Variants in USP35 observed in about 807,000 individuals in gnomAD.
The protein encoded by USP35 is ubiquitin carboxyl-terminal hydrolase 35.
USP35 carries 69 observed loss-of-function variants against 83.8 expected under a neutral mutation model. The observed-to-expected ratio is 0.82, with a 90% confidence interval of 0.68 to 1.01. The LOEUF is 1.01. Ranked by LOEUF, USP35 falls within the 50% of genes least tolerant of loss-of-function variation. The pLI is 0.00. For missense variants in USP35, 1,503 were observed against 1,362.5 expected (o/e 1.10, Z -1.62); for synonymous variants, 714 against 589.5 (o/e 1.21, Z -3.06).
chr11:78,219,401 G>A (rs61749244), downstream of USP35: 37,071 of 1,613,652 alleles, frequency 0.023, 573 homozygotes, highest in Non-Finnish European at 0.027. Context: ...CAGAGGTGAC[G>A]GATGAAGTAG....
At chr11:78,191,076 A>G (rs1215208494) in intron 1 of USP35, among the ~76,000 whole-genome samples, 3 of 152,222 alleles carry the variant, frequency 2.0e-5, no homozygotes, top group Admixed American at 6.5e-5. Flanking sequence ...ACGATGCTGC[A>G]TCTGGAGAGA....
intron 10 of USP35, among the ~76,000 whole-genome samples, chr11:78,211,608 A>G (rs943569591): frequency 6.6e-6 from 1 of 152,214 alleles, no homozygotes; most frequent in Non-Finnish European, 1.5e-5. Flanking sequence ...CAACCTCACC[A>G]GCATATGTTG....
At chr11:78,230,279 G>A in the USP35 span, among the ~76,000 whole-genome samples, 2 of 152,024 alleles carry the variant, frequency 1.3e-5, no homozygotes, top group East Asian at 1.9e-4. Flanking sequence ...CCTCTACCCC[G>A]GCATCCTCCT....
intron 10 of USP35, among the ~76,000 whole-genome samples, chr11:78,211,797 G>T (rs1565404864): frequency 6.6e-6 from 1 of 152,050 alleles, no homozygotes; most frequent in Non-Finnish European, 1.5e-5. Flanking sequence ...TAATGGGGTT[G>T]TTTTTTTCTT....
the USP35 span, among the ~76,000 whole-genome samples, chr11:78,234,703 G>T: frequency 2.7e-3 from 409 of 151,168 alleles, 3 homozygotes; most frequent in African/African-American, 8.8e-3. Context: ...ACAGGTTTTT[G>T]TCCTTTCACC....
rs768779536 is a variant in USP35 at position 78,195,310 on chromosome 11, C to G, written c.-10-926C>G. Among the ~76,000 whole-genome samples, 3 of 152,286 alleles carry G rather than the reference C, an allele frequency of 2.0e-5. No homozygotes were observed. In the South Asian group the frequency reaches 6.2e-4, roughly 32 times the overall value. The stretch of plus-strand genomic sequence containing the variant: ...TTTAGATAGGCTTTGAAGGAAAAGA[C>G]GCTTGCTTGGTTGTGTGAGAGCATG... On this transcript the variant is annotated intron_variant, in intron 1 of 10. Transcript: ENST00000529308.
intron 6 of USP35, 123 bp from the exon 7 acceptor site, chr11:78,205,719 G>T: frequency 9.7e-7 from 1 of 1,035,720 alleles, no homozygotes; most frequent in Non-Finnish European, 1.4e-6. Flanking sequence ...AACATCTGTG[G>T]GGGGGTGTGC....
chr11:78,213,459 G>C (rs1240690829), intron 10 of USP35, among the ~76,000 whole-genome samples, 187 bp from the exon 11 acceptor site: 1 of 149,442 alleles, frequency 6.7e-6, no homozygotes, highest in African/African-American at 2.6e-5. Context: ...TTTATTGAGA[G>C]GAGGGGGTCT....
In USP35 at chr11:78,189,167, T is replaced by C. The variant is rs116056392; in HGVS notation, c.-11+10T>C. ...CACCGGGGTCCGGGAGGTAAGGGGG[T>C]TGGGGGCGTGTGACTGTCTTTGGGG... On this transcript the variant is annotated intron_variant, in intron 1 of 10. Coordinates refer to ENST00000529308, the MANE Select transcript of USP35 (RefSeq NM_020798.4). 1,039 of 165,242 alleles carry C rather than the reference T, an allele frequency of 6.3e-3. 10 individuals carry two copies. Among genetic ancestry groups the C allele is most frequent in the African/African-American group, 0.023 (971 of 41,462 alleles). The allele number at this position is 165,242 out of a possible 1,614,324, so 10.2% of individuals were successfully genotyped here.
chr11:78,197,011 G>A, intron 2 of USP35, 93 bp downstream of exon 2: 1 of 1,376,372 alleles, frequency 7.3e-7, no homozygotes, highest in Non-Finnish European at 9.4e-7. Flanking sequence ...GTGCATGCGG[G>A]CGCCCGTGTG....
intron 1 of USP35, among the ~76,000 whole-genome samples, chr11:78,192,656 C>T (rs1440471331): frequency 6.6e-6 from 1 of 152,224 alleles, no homozygotes; most frequent in African/African-American, 2.4e-5. Context: ...CCTTGGAGAT[C>T]AGAGCTCTCA....
chr11:78,228,282 G>C, the USP35 span, among the ~76,000 whole-genome samples: 5 of 152,208 alleles, frequency 3.3e-5, no homozygotes, highest in Non-Finnish European at 7.3e-5. Flanking sequence ...CAGGGATTTA[G>C]GTCTGCTTCT....
Position 78,210,578 on chromosome 11 carries a change from A to G in USP35, c.2723A>G (p.Asn908Ser), listed in dbSNP as rs1369370774. 3.1e-6 allele frequency: 5 copies of G among 1,613,628 alleles called. No homozygotes were observed. In the African/African-American group the frequency reaches 4.0e-5, roughly 13 times the overall value. Residue 908 changes from asparagine (N) to serine (S), a missense_variant, in exon 10 of 11, where the codon AAC becomes AGC. Physicochemically the swap from Asn to Ser is conservative, Grantham distance 46. Transcript: ENST00000529308. ...VSFSSFESVS[N>S]VTSFFPKDTA... The stretch of plus-strand genomic sequence containing the variant: ...TTCTCTTCCTTCGAATCTGTCAGCA[A>G]CGTCACCTCCTTCTTCCCTAAGGAC...
rs757230311 is a variant in USP35 at position 78,200,223 on chromosome 11, G to A, written c.1027G>A (p.Ala343Thr). 9.3e-6 allele frequency: 15 copies of A among 1,613,760 alleles called. No homozygotes were observed. In the East Asian group the frequency reaches 2.0e-4, roughly 22 times the overall value. Residue 343 changes from alanine to threonine, a missense_variant, in exon 5 of 11, where the codon GCC (alanine) becomes ACC (threonine). Ala to Thr is a moderately conservative substitution (Grantham distance 58, BLOSUM62 0). Coordinates refer to ENST00000529308, the MANE Select transcript of USP35 (RefSeq NM_020798.4). ...CCTGACCTTCCAGCACTCCCACGAA[G>A]CCTTCCACCTGGTAAGGTCCCCTGC... ...MLLTFQHSHE[A>T]FHLLLPHIPP...
At chr11:78,228,943 C>T in the USP35 span, among the ~76,000 whole-genome samples, 1 of 152,154 alleles carries the variant, frequency 6.6e-6, no homozygotes, top group African/African-American at 2.4e-5. Context: ...TGGATGCTCC[C>T]ATCTGGATTT....
chr11:78,199,168 G>C (rs1275232838), intron 3 of USP35: 1 of 214,094 alleles, frequency 4.7e-6, no homozygotes, highest in African/African-American at 2.3e-5. Context: ...CCCTCTGAGG[G>C]AGGTATTATC....
chr11:78,224,055 C>T, the USP35 span, among the ~76,000 whole-genome samples: 1 of 152,020 alleles, frequency 6.6e-6, no homozygotes, highest in Admixed American at 6.6e-5. Context: ...GCACTCCAGC[C>T]TGGGTGACAG....
At chr11:78,213,544 G>A in intron 10 of USP35, 102 bp from the exon 11 acceptor site, 2 of 1,324,908 alleles carry the variant, frequency 1.5e-6, no homozygotes, top group Non-Finnish European at 2.0e-6. Flanking sequence ...TCCAGGCCCT[G>A]GGGACCTAGA....
chr11:78,207,969 C>T (rs1434062663), intron 8 of USP35, among the ~76,000 whole-genome samples: 2 of 152,164 alleles, frequency 1.3e-5, no homozygotes, highest in Non-Finnish European at 2.9e-5. Flanking sequence ...GTTTTGGAAG[C>T]TGGGAGGCCC....
Sources: allele counts gnomAD v4.1 joint callset (sites outside exome capture counted in the v4.1 genomes callset), GRCh38; gene constraint gnomAD v4.1.1; transcripts MANE v1.5; gene names NCBI Gene and HGNC (gene_info 2026-07-23, HGNC 2026-07-21).